The following NPAS2 variants were observed in gnomAD, a reference collection of about 807,000 sequenced individuals.
The protein encoded by NPAS2 is neuronal PAS domain-containing protein 2.
Under a neutral mutation model 107.5 loss-of-function variants are expected in NPAS2, and 23 were observed. That is an observed-to-expected ratio of 0.21 (90% CI 0.15 to 0.30). NPAS2 has a LOEUF of 0.30. Ranked by LOEUF, NPAS2 falls within the 10% of genes least tolerant of loss-of-function variation. The pLI, the probability that NPAS2 is intolerant of heterozygous loss-of-function variation, is 1.00. For missense variants in NPAS2, 756 were observed against 1,043.3 expected (o/e 0.72, Z 3.79); for synonymous variants, 403 against 417.5 (o/e 0.97, Z 0.42).
chr2:100,918,925 G>T (rs1012900130), intron 2 of NPAS2, among the ~76,000 whole-genome samples: 6 of 152,124 alleles, frequency 3.9e-5, no homozygotes, highest in African/African-American at 1.4e-4. Context: ...CACGTTCACT[G>T]AAAAACCTGT....
At position 100,886,687 on chromosome 2, in the gene NPAS2, A is replaced by T. The variant is rs141023279; in HGVS notation, c.-22-18046A>T. Among the ~76,000 whole-genome samples, 217 of 152,262 alleles carry T rather than the reference A, an allele frequency of 1.4e-3. 1 individual carries two copies. The highest frequency in any genetic ancestry group is 5.1e-3 in the African/African-American group (210 of 41,554). On this transcript the variant is annotated intron_variant, in intron 1 of 20. Coordinates refer to ENST00000335681, the MANE Select transcript of NPAS2 (RefSeq NM_002518.4). Reference sequence around the variant, plus strand: ...CGATTAGAAGCCAGGATCTTTCAGGACTGTTCCCACGTTATGCGAGAGTCC... The same window carrying T: ...CGATTAGAAGCCAGGATCTTTCAGGTCTGTTCCCACGTTATGCGAGAGTCC...
rs373737586 is a variant in NPAS2, at chr2:100,925,303, C to T, written c.181+9C>T. The T allele has an allele frequency of 3.1e-5, 50 of 1,613,404 alleles. No individual in the cohort carries two copies. The African/African-American group carries it at 5.5e-4, about 18-fold the overall frequency. On this transcript the variant is annotated intron_variant, in intron 3 of 20. Coordinates refer to ENST00000335681, the MANE Select transcript of NPAS2 (RefSeq NM_002518.4). ...TTTGCAGAAACACAATGGTAAAGGT[C>T]ACCCTTCTCTCTGTTTTTTTTCCAC...
chr2:100,837,052 C>T (rs1677115195), intron 1 of NPAS2, among the ~76,000 whole-genome samples: 1 of 152,060 alleles, frequency 6.6e-6, no homozygotes, highest in African/African-American at 2.4e-5. Context: ...CGCTTACAGA[C>T]ACTAGAGCCA....
At chr2:100,977,937 G>A (rs1677131500) in intron 15 of NPAS2, 138 bp downstream of exon 15, 8 of 707,222 alleles carry the variant, frequency 1.1e-5, no homozygotes, top group Admixed American at 2.3e-5. Context: ...TGTGTGGCCT[G>A]TGTCGAGCCA....
chr2:100,931,215 G>A (rs1683932483), intron 3 of NPAS2, among the ~76,000 whole-genome samples: 1 of 152,192 alleles, frequency 6.6e-6, no homozygotes, highest in South Asian at 2.1e-4. Context: ...TCTCAGTGTC[G>A]TTGGCTGCCT....
Position 100,968,498 on chromosome 2 carries a change from C to T in NPAS2, c.1055+70C>T. The stretch of plus-strand genomic sequence containing the variant: ...GGGGGAGGGGTGCAGGATGGCGTGG[C>T]CCCTGATGGCCAAGTCAGATCAGCA... On this transcript the variant is annotated intron_variant, in intron 11 of 20. Coordinates refer to ENST00000335681, the MANE Select transcript of NPAS2 (RefSeq NM_002518.4). The surrounding 1 kb of genome is among the most constrained non-coding windows in gnomAD (Gnocchi z 5.3). 1.4e-6 allele frequency: 2 copies of T among 1,464,750 alleles called. No homozygotes were observed. Among genetic ancestry groups the T allele is most frequent in the East Asian group, 4.6e-5 (2 of 43,562 alleles). 90.7% of individuals were successfully genotyped at this position (1,464,750 alleles called of 1,614,324 possible).
chr2:100,892,863 G>C (rs573403906), intron 1 of NPAS2, among the ~76,000 whole-genome samples: 1 of 151,922 alleles, frequency 6.6e-6, no homozygotes, highest in African/African-American at 2.4e-5. Flanking sequence ...GATTACAGGC[G>C]TGCACCAACA....
Position 100,977,869 on chromosome 2 carries a change from C to T in NPAS2, c.1482+70C>T. Reference sequence around the variant, plus strand: ...GTCCGCAGTGTGCTGCGCTGATGGTCTTGTACACTTAGGTCCCAACCAAGG... The same window carrying T: ...GTCCGCAGTGTGCTGCGCTGATGGTTTTGTACACTTAGGTCCCAACCAAGG... On this transcript the variant is annotated intron_variant, in intron 15 of 20. Coordinates refer to ENST00000335681, the MANE Select transcript of NPAS2 (RefSeq NM_002518.4). 7 of 1,316,670 alleles carry T rather than the reference C, an allele frequency of 5.3e-6. No homozygotes were observed. The South Asian group carries it at 8.2e-5, about 15-fold the overall frequency. 81.6% of individuals were successfully genotyped at this position (1,316,670 alleles called of 1,614,324 possible).
At position 100,968,996 on chromosome 2, in the gene NPAS2, C is replaced by T. The variant is rs544516240; in HGVS notation, c.1055+568C>T. 1.3e-4 allele frequency among the ~76,000 whole-genome samples: 20 copies of T among 152,216 alleles called. No homozygotes were observed. The highest frequency in any genetic ancestry group is 4.1e-4 in the African/African-American group (17 of 41,552). ...GGGTGAGCAGGACTTTAAAGAGACG[C>T]GGCATGCCCAGGGTTTCATAGATGC... On this transcript the variant is annotated intron_variant, in intron 11 of 20. Transcript: ENST00000335681. The surrounding 1 kb of genome is among the most constrained non-coding windows in gnomAD (Gnocchi z 5.3).
rs977205683 is a variant in NPAS2 at position 100,944,774 on chromosome 2, C to T, written c.364-3461C>T. Among the ~76,000 whole-genome samples the T allele has an allele frequency of 2.0e-5, 3 of 152,164 alleles. No individual in the cohort carries two copies. The South Asian group carries it at 6.2e-4, about 32-fold the overall frequency. On this transcript the variant is annotated intron_variant, in intron 5 of 20. Coordinates refer to ENST00000335681, the MANE Select transcript of NPAS2 (RefSeq NM_002518.4). ...AACCTCCCACATATCATACCTGCCCCTACTTGCATCCAGCGTTCGTCTTTA... is the reference window on the plus strand; with the variant it reads ...AACCTCCCACATATCATACCTGCCCTTACTTGCATCCAGCGTTCGTCTTTA...
At chr2:100,860,511 A>G (rs1678873290) in intron 1 of NPAS2, among the ~76,000 whole-genome samples, 1 of 152,214 alleles carries the variant, frequency 6.6e-6, no homozygotes, top group South Asian at 2.1e-4. Context: ...TAGTTTTAGT[A>G]TCCATTGATT....
At chr2:100,926,721 C>A (rs761364058) in intron 3 of NPAS2, among the ~76,000 whole-genome samples, 2 of 152,080 alleles carry the variant, frequency 1.3e-5, no homozygotes, top group Non-Finnish European at 2.9e-5. Context: ...TCGAAAATAT[C>A]TTCCCCCATT....
intron 4 of NPAS2, among the ~76,000 whole-genome samples, chr2:100,937,110 A>G (rs988168809): frequency 1.3e-5 from 2 of 152,100 alleles, no homozygotes; most frequent in Non-Finnish European, 2.9e-5. Context: ...CTCAGTAGAG[A>G]CTTTCAAATG....
chr2:100,881,122 A>G (rs1216503695), intron 1 of NPAS2, among the ~76,000 whole-genome samples: 1 of 152,160 alleles, frequency 6.6e-6, no homozygotes, highest in African/African-American at 2.4e-5. Context: ...CATCCGGACA[A>G]AGGCCCCTGG....
chr2:100,857,853 T>C (rs1379912768), intron 1 of NPAS2, among the ~76,000 whole-genome samples: 1 of 152,246 alleles, frequency 6.6e-6, no homozygotes, highest in Non-Finnish European at 1.5e-5. Context: ...CTGTAACACT[T>C]GGTCTCTCTT....
intron 1 of NPAS2, among the ~76,000 whole-genome samples, chr2:100,829,186 GTTT>G (rs61069926): frequency 1.4e-5 from 2 of 140,470 alleles, no homozygotes; most frequent in Non-Finnish European, 1.6e-5. Context: ...GTGTTTTGTT[GTTT>G]TTTTTTTTTT....
intron 5 of NPAS2, among the ~76,000 whole-genome samples, chr2:100,939,624 C>T (rs759947070): frequency 1.3e-5 from 2 of 152,122 alleles, no homozygotes; most frequent in Non-Finnish European, 2.9e-5. Context: ...TATTGAATGG[C>T]AAGGGCTCGG....
chr2:100,824,069 C>T lies in NPAS2; in HGVS notation c.-23+3655C>T, dbSNP rs952098783. Among the ~76,000 whole-genome samples, 7 of 152,236 alleles carry T rather than the reference C, an allele frequency of 4.6e-5. No individual in the cohort carries two copies. The Middle Eastern group carries it at 0.01, about 222-fold the overall frequency. ...AGTTTGTAGAATTACCAGTAAAGGA[C>T]GCGTGTTAGGCCTAACAAAAGTGAT... On this transcript the variant is annotated intron_variant, in intron 1 of 20. Transcript: ENST00000335681.
chr2:100,951,620 A>G (rs1675226286), intron 7 of NPAS2, among the ~76,000 whole-genome samples: 1 of 152,194 alleles, frequency 6.6e-6, no homozygotes, highest in South Asian at 2.1e-4. Context: ...TACATGAGGT[A>G]CCATAGCCAA....
Sources: allele counts gnomAD v4.1 joint callset (sites outside exome capture counted in the v4.1 genomes callset), GRCh38; gene constraint gnomAD v4.1.1; non-coding constraint Gnocchi (gnomAD v3.1); transcripts MANE v1.5; gene names NCBI Gene and HGNC (gene_info 2026-07-23, HGNC 2026-07-21).